The following MRTO4 variants were observed in gnomAD, a reference collection of about 807,000 sequenced individuals.
The protein encoded by MRTO4 is MRT4 homolog, ribosome maturation factor.
Under a neutral mutation model 28.6 loss-of-function variants are expected in MRTO4, and 7 were observed. The observed-to-expected ratio is 0.24, with a 90% CI of 0.14 to 0.46. The LOEUF is 0.46. Ranked by LOEUF, MRTO4 falls within the 20% of genes least tolerant of loss-of-function variation. MRTO4 has a pLI of 0.99. For missense variants in MRTO4, 302 were observed against 298.3 expected (o/e 1.01, Z -0.09); for synonymous variants, 113 against 108.2 (o/e 1.04, Z -0.27).
chr1:19,255,626 A>G (rs752852163), intron 2 of MRTO4, among the ~76,000 whole-genome samples: 2 of 152,182 alleles, frequency 1.3e-5, no homozygotes, highest in African/African-American at 2.4e-5. Context: ...GAGAGGCTCC[A>G]TGTGTTTCCA....
rs201223173 is a variant in MRTO4, at chr1:19,255,951, C to T, written c.91C>T (p.Arg31Trp). 5.6e-5 allele frequency: 90 copies of T among 1,613,708 alleles called. No homozygotes were observed. The highest frequency in any genetic ancestry group is 4.5e-5 in the East Asian group (2 of 44,886). The change falls in exon 3 of 8, where the codon CGG (arginine) becomes TGG (tryptophan). Residue 31 changes from arginine to tryptophan, a missense_variant. Arg to Trp is a moderately radical substitution (Grantham distance 101). Transcript: ENST00000330263. ...AGCCTCGTGAATTGTCCCACAGCTT[C>T]GGAAATGTGTGGACACCTACAAGTA... ...ELKQNLIEELRKCVDTYKYLF... is the reference protein window; with the variant it reads ...ELKQNLIEELWKCVDTYKYLF...
At chr1:19,252,097 C>T (rs2093662117) in intron 1 of MRTO4, 1 of 592,276 alleles carries the variant, frequency 1.7e-6, no homozygotes, top group Non-Finnish European at 2.9e-6. Flanking sequence ...GTTTCAGGTG[C>T]TCTTGCAAGG....
rs1483687498 is a variant in MRTO4, at chr1:19,256,049, C to T, written c.189C>T (p.Ser63=). Residue 63 remains serine, a splice_region_variant and synonymous_variant, in exon 3 of 8, where the codon AGC becomes AGT. Coordinates refer to ENST00000330263, the MANE Select transcript of MRTO4 (RefSeq NM_016183.4). ...ACATCCGGAACGCCTGGAAGCACAG[C>T]CGGTGAGCGGGCAGGGGGAGGAAGG... ...LKDIRNAWKH[S]RMFFGKNKVM... is the part of the protein sequence containing the mutation. 10 of 1,613,834 alleles carry T rather than the reference C, an allele frequency of 6.2e-6. No homozygotes were observed. The highest frequency in any genetic ancestry group is 1.7e-5 in the Admixed American group (1 of 59,986).
chr1:19,254,870 A>T (rs768403651), intron 2 of MRTO4, 30 bp downstream of exon 2: 1 of 1,579,408 alleles, frequency 6.3e-7, no homozygotes, highest in Non-Finnish European at 8.6e-7. Context: ...TAGAGCTTGC[A>T]ATTGTTTGGT....
In MRTO4 at chr1:19,257,120, A is replaced by T; in HGVS notation, c.248A>T (p.Asp83Val). Residue 83 changes from aspartate (D) to valine (V), a missense_variant, in exon 4 of 8, where the codon GAT (aspartate) becomes GTT (valine). Physicochemically the swap from Asp to Val is radical, Grantham distance 152. Transcript: ENST00000330263. ...GTGGCCTTGGGTCGGAGCCCATCTG[A>T]TGAATACAAAGACAACCTGCACCAG... ...MMVALGRSPS[D>V]EYKDNLHQVS... The T allele has an allele frequency of 1.9e-6, 3 of 1,614,154 alleles. No individual in the cohort carries two copies. Among genetic ancestry groups the T allele is most frequent in the Non-Finnish European group, 1.7e-6 (2 of 1,180,016 alleles).
chr1:19,256,508 T>C (rs1404864396), intron 3 of MRTO4, among the ~76,000 whole-genome samples: 1 of 152,094 alleles, frequency 6.6e-6, no homozygotes, highest in Non-Finnish European at 1.5e-5. Context: ...AGAGTGAAAC[T>C]CCACCTCAAA....
chr1:19,254,044 A>G (rs752128507), intron 1 of MRTO4, among the ~76,000 whole-genome samples: 1 of 152,190 alleles, frequency 6.6e-6, no homozygotes, highest in Non-Finnish European at 1.5e-5. Context: ...GTTGCACAGC[A>G]TAGGCCAGCT....
At chr1:19,254,076 T>G (rs1355428306) in intron 1 of MRTO4, among the ~76,000 whole-genome samples, 3 of 152,108 alleles carry the variant, frequency 2.0e-5, no homozygotes, top group Non-Finnish European at 2.9e-5. Context: ...TGCATCATGG[T>G]CAAGAGCAGC....
intron 1 of MRTO4, chr1:19,252,301 C>G (rs2093662860): frequency 4.7e-6 from 1 of 214,114 alleles, no homozygotes; most frequent in Non-Finnish European, 9.6e-6. Context: ...GCCTGGCATG[C>G]TTACATCTTC....
At chr1:19,257,344 C>A in intron 4 of MRTO4, 110 bp from the exon 5 acceptor site, 1 of 1,361,194 alleles carries the variant, frequency 7.3e-7, no homozygotes, top group Non-Finnish European at 1.1e-6. Context: ...CCTGCTATGA[C>A]AACCAAAAAC....
chr1:19,253,696 A>G (rs1394281932), intron 1 of MRTO4, among the ~76,000 whole-genome samples: 1 of 152,312 alleles, frequency 6.6e-6, no homozygotes, highest in East Asian at 1.9e-4. Flanking sequence ...TCCACTTACC[A>G]TTGACTGATG....
At chr1:19,254,170 C>G (rs764740004) in intron 1 of MRTO4, among the ~76,000 whole-genome samples, 1 of 152,098 alleles carries the variant, frequency 6.6e-6, no homozygotes, top group Admixed American at 6.6e-5. Context: ...CCCAGGAGTT[C>G]GAGACCAACC....
chr1:19,252,224 C>T (rs1481435107), intron 1 of MRTO4: 1 of 346,354 alleles, frequency 2.9e-6, no homozygotes, highest in East Asian at 6.0e-5. Context: ...GCCACCCTGG[C>T]TGCCTTTCCC....
chr1:19,255,819 A>T, intron 2 of MRTO4, 129 bp from the exon 3 acceptor site: 1 of 727,460 alleles, frequency 1.4e-6, no homozygotes, highest in Non-Finnish European at 2.3e-6. Context: ...CAACCAAATT[A>T]GAGGCCTCCA....
At position 19,251,826 on chromosome 1, in the gene MRTO4, A is replaced by G. The variant is rs752495655; in HGVS notation, c.-10A>G. 8.9e-6 allele frequency: 14 copies of G among 1,577,220 alleles called. No individual in the cohort carries two copies. The highest frequency in any genetic ancestry group is 7.7e-6 in the Non-Finnish European group (9 of 1,162,630). Reference sequence around the variant, plus strand: ...GTGCACCGTCTTCCGCCGCACGTGGATTCAGCGCGATGCCCAAATCCAAGC... The same window carrying G: ...GTGCACCGTCTTCCGCCGCACGTGGGTTCAGCGCGATGCCCAAATCCAAGC... On this transcript the variant is annotated 5_prime_UTR_variant, in exon 1 of 8. Coordinates refer to ENST00000330263, the MANE Select transcript of MRTO4 (RefSeq NM_016183.4).
intron 3 of MRTO4, 80 bp from the exon 4 acceptor site, chr1:19,256,984 C>A: frequency 7.2e-7 from 1 of 1,392,166 alleles, no homozygotes; most frequent in South Asian, 1.3e-5. Flanking sequence ...CACTGGGGAC[C>A]GGAGCTACTT....
At chr1:19,252,009 G>A in intron 1 of MRTO4, 146 bp downstream of exon 1, 1 of 1,199,456 alleles carries the variant, frequency 8.3e-7, no homozygotes, top group Non-Finnish European at 1.2e-6. Flanking sequence ...GAGCTGGAAT[G>A]GGGGCTTCGG....
rs759481436 is a variant in MRTO4, at chr1:19,256,003, T to C, written c.143T>C (p.Met48Thr). Residue 48 changes from methionine (M) to threonine (T), a missense_variant, in exon 3 of 8, where the codon ATG (methionine) becomes ACG (threonine). Physicochemically the swap from Met to Thr is moderately conservative, Grantham distance 81. Transcript: ENST00000330263. ...CTTTTCATCTTCTCTGTGGCCAACA[T>C]GAGGAACAGCAAGCTGAAGGACATC... is the stretch of plus-strand genomic sequence containing the variant. ...KYLFIFSVAN[M>T]RNSKLKDIRN... 6.2e-7 allele frequency: 1 copy of C among 1,613,990 alleles called. No homozygotes were observed. The highest frequency in any genetic ancestry group is 8.5e-7 in the Non-Finnish European group (1 of 1,179,992).
chr1:19,252,818 GTTT>G (rs60915273), intron 1 of MRTO4, among the ~76,000 whole-genome samples: 1 of 151,914 alleles, frequency 6.6e-6, no homozygotes, highest in Non-Finnish European at 1.5e-5. Flanking sequence ...ACCCAGCTAG[GTTT>G]TTTTTGTTTA....
Sources: gnomAD v4.1 joint callset for allele counts (sites outside exome capture counted in the v4.1 genomes callset) on GRCh38, gnomAD v4.1.1 for gene constraint, MANE v1.5 for transcripts, NCBI Gene and HGNC (gene_info 2026-07-23, HGNC 2026-07-21) for gene names.